BCAT1: variants seen among roughly 807,000 people sequenced by gnomAD.
The protein encoded by BCAT1 is branched-chain-amino-acid aminotransferase, cytosolic.
A neutral mutation model predicts 52.4 loss-of-function variants in BCAT1; 48 were observed. That is an observed-to-expected ratio of 0.92 (90% CI 0.73 to 1.16). The LOEUF is 1.16. Ranked by LOEUF, BCAT1 falls within the 50% of genes most tolerant of loss-of-function variation. The pLI is 0.00. For synonymous variants in BCAT1, 167 were observed against 161.3 expected (o/e 1.04, Z -0.27); for missense variants, 451 against 457.1 (o/e 0.99, Z 0.12).
chr12:24,833,325 C>A (rs1446101019), intron 8 of BCAT1, among the ~76,000 whole-genome samples: 1 of 152,014 alleles, frequency 6.6e-6, no homozygotes, highest in African/African-American at 2.4e-5. Flanking sequence ...TTGAGACCAG[C>A]CTGGCCAACC....
chr12:24,836,258 C>T (rs1940919075), intron 8 of BCAT1, among the ~76,000 whole-genome samples: 1 of 152,186 alleles, frequency 6.6e-6, no homozygotes, highest in Admixed American at 6.5e-5. Context: ...TAGACTGAGA[C>T]TACTACTAGA....
At chr12:24,867,256 A>AT (rs1177828005) in intron 5 of BCAT1, among the ~76,000 whole-genome samples, 1 of 151,986 alleles carries the variant, frequency 6.6e-6, no homozygotes, top group Non-Finnish European at 1.5e-5. Context: ...GCGAGGGTCC[A>AT]TGGCTTCATT....
intron 3 of BCAT1, among the ~76,000 whole-genome samples, chr12:24,892,089 G>A (rs1591846215): frequency 6.7e-6 from 1 of 150,182 alleles, no homozygotes; most frequent in Non-Finnish European, 1.5e-5. Flanking sequence ...GTTTTGTTTT[G>A]TTTTGTTTCA....
intron 3 of BCAT1, among the ~76,000 whole-genome samples, chr12:24,888,872 G>A (rs748274940): frequency 2.6e-5 from 4 of 152,156 alleles, no homozygotes; most frequent in African/African-American, 9.7e-5. Context: ...CCACAGCTGC[G>A]TCAATCATGT....
intron 1 of BCAT1, among the ~76,000 whole-genome samples, chr12:24,920,272 C>T (rs1056584559): frequency 1.3e-5 from 2 of 151,926 alleles, no homozygotes; most frequent in Non-Finnish European, 2.9e-5. Flanking sequence ...TTGGAAGCTG[C>T]GTTATTTATA....
chr12:24,906,994 T>C (rs1206028796), intron 1 of BCAT1, among the ~76,000 whole-genome samples: 5 of 152,186 alleles, frequency 3.3e-5, no homozygotes, highest in African/African-American at 1.2e-4. Context: ...TCAAAAAACC[T>C]TCAAGGCTTC....
chr12:24,889,415 G>A (rs974939659), intron 3 of BCAT1, among the ~76,000 whole-genome samples: 5 of 152,168 alleles, frequency 3.3e-5, no homozygotes, highest in Admixed American at 6.5e-5. Flanking sequence ...TGAAATGGCC[G>A]AACAATATTT....
chr12:24,887,358 T>C (rs2139625375), intron 3 of BCAT1, among the ~76,000 whole-genome samples: 1 of 152,126 alleles, frequency 6.6e-6, no homozygotes, highest in East Asian at 1.9e-4. Context: ...CCTTCCTGGT[T>C]AGATCTTACA....
At chr12:24,853,179 A>G (rs1209744657) in intron 5 of BCAT1, among the ~76,000 whole-genome samples, 1 of 152,220 alleles carries the variant, frequency 6.6e-6, no homozygotes, top group Non-Finnish European at 1.5e-5. Context: ...CCACAACAAC[A>G]AAGACATGGA....
intron 5 of BCAT1, among the ~76,000 whole-genome samples, chr12:24,867,814 G>A (rs1287782863): frequency 6.6e-6 from 1 of 152,152 alleles, no homozygotes; most frequent in Non-Finnish European, 1.5e-5. Context: ...AGACAAGCCT[G>A]ACCAACATGG....
intron 1 of BCAT1, among the ~76,000 whole-genome samples, chr12:24,913,507 C>T (rs547133583): frequency 2.0e-5 from 3 of 152,298 alleles, no homozygotes; most frequent in East Asian, 1.9e-4. Flanking sequence ...CCCCCTTCCA[C>T]GATGGCTCAG....
intron 5 of BCAT1, among the ~76,000 whole-genome samples, chr12:24,858,175 C>T (rs1388211597): frequency 2.6e-5 from 4 of 152,184 alleles, no homozygotes; most frequent in South Asian, 4.1e-4. Flanking sequence ...AATTAAGATT[C>T]TTAAAAGCTG....
At chr12:24,927,506 T>C (rs772752937) in intron 1 of BCAT1, among the ~76,000 whole-genome samples, 2 of 152,230 alleles carry the variant, frequency 1.3e-5, no homozygotes, top group Non-Finnish European at 1.5e-5. Context: ...TCTTTTTAGA[T>C]ATTCACTTAA....
At position 24,894,164 on chromosome 12, in the gene BCAT1, G is replaced by A; in HGVS notation, c.279+111C>T. On this transcript the variant is annotated intron_variant, in intron 3 of 10. Coordinates refer to ENST00000261192, the MANE Select transcript of BCAT1 (RefSeq NM_005504.7). The stretch of plus-strand genomic sequence containing the variant: ...TTTAAAGACATTTTCGGCTTCCTCT[G>A]GTAAATATGATAAAGCCCATACTGC... 6 of 1,038,078 alleles carry A rather than the reference G, an allele frequency of 5.8e-6. No homozygotes were observed. In the South Asian group the frequency reaches 7.4e-5, roughly 13 times the overall value. The allele number at this position is 1,038,078 out of a possible 1,614,324, so 64.3% of individuals were successfully genotyped here.
chr12:24,875,726 G>A (rs1293162754), intron 5 of BCAT1, among the ~76,000 whole-genome samples: 1 of 152,102 alleles, frequency 6.6e-6, no homozygotes, highest in Non-Finnish European at 1.5e-5. Flanking sequence ...AAAAAGTTAA[G>A]AATTCCCTAA....
At chr12:24,836,423 C>T in intron 8 of BCAT1, 88 bp downstream of exon 8, 1 of 1,134,616 alleles carries the variant, frequency 8.8e-7, no homozygotes. Context: ...GTTGGAACCA[C>T]AGGATATTAT....
intron 1 of BCAT1, among the ~76,000 whole-genome samples, chr12:24,926,404 C>T (rs1943587192): frequency 6.6e-6 from 1 of 152,062 alleles, no homozygotes; most frequent in South Asian, 2.1e-4. Context: ...GCCAGGCCAC[C>T]CCTTCTGGGA....
chr12:24,905,409 G>T (rs768789681), intron 1 of BCAT1, among the ~76,000 whole-genome samples: 3 of 152,182 alleles, frequency 2.0e-5, no homozygotes, highest in Non-Finnish European at 4.4e-5. Context: ...GAAGTTAATT[G>T]AACCCTGACC....
chr12:24,893,837 A>G lies in BCAT1; in HGVS notation c.279+438T>C, dbSNP rs115712039. 5.5e-3 allele frequency among the ~76,000 whole-genome samples: 832 copies of G among 152,350 alleles called. 4 individuals carry two copies. Among genetic ancestry groups the G allele is most frequent in the African/African-American group, 0.019 (804 of 41,584 alleles). ...ACTCATGGCTGAAGGAGGACATTTA[A>G]TTACATGTCCCTTAACATGCATAAC... is the stretch of plus-strand genomic sequence containing the variant. On this transcript the variant is annotated intron_variant, in intron 3 of 10. Coordinates refer to ENST00000261192, the MANE Select transcript of BCAT1 (RefSeq NM_005504.7).
Sources: gnomAD v4.1 joint callset for allele counts (sites outside exome capture counted in the v4.1 genomes callset) on GRCh38, gnomAD v4.1.1 for gene constraint, MANE v1.5 for transcripts, NCBI Gene and HGNC (gene_info 2026-07-23, HGNC 2026-07-21) for gene names.